AKAP9: variants seen among roughly 807,000 people sequenced by gnomAD.
The protein encoded by AKAP9 is A-kinase anchor protein 9.
In AKAP9, 311 loss-of-function variants were observed where a neutral mutation model predicts 488.5. The observed-to-expected ratio is 0.64, with a 90% CI of 0.58 to 0.70. The LOEUF is 0.70. Ranked by LOEUF, AKAP9 falls within the 30% of genes least tolerant of loss-of-function variation. The probability of loss-of-function intolerance (pLI) is 0.00; values close to 1 mark genes in which losing one functional copy is unlikely to be tolerated. For synonymous variants in AKAP9, 1,462 were observed against 1,483.5 expected (o/e 0.99, Z 0.33); for missense variants, 4,215 against 4,374.5 (o/e 0.96, Z 1.03).
rs1291863115 is a variant in AKAP9 at position 92,091,597 on chromosome 7, AC to A, written c.9359-1499del. ...CAAGACTCTGTCTCAAAAAAAAAAA[AC>A]AAAAAAAAAAAACAAAGCAGAAGCA... On this transcript the variant is annotated intron_variant, in intron 38 of 49. Coordinates refer to ENST00000356239, the MANE Select transcript of AKAP9 (RefSeq NM_005751.5). Among the ~76,000 whole-genome samples the A allele has an allele frequency of 2.7e-3, 347 of 129,236 alleles. 42 individuals are homozygous for A. The highest frequency in any genetic ancestry group is 4.1e-3 in the African/African-American group (148 of 36,392). 84.8% of individuals were successfully genotyped at this position (129,236 alleles called of 152,430 possible). A position where few individuals can be genotyped will look rare whatever the true frequency, so the allele number is the denominator to read the frequency against.
intron 21 of AKAP9, among the ~76,000 whole-genome samples, chr7:92,045,781 G>A (rs986960838): frequency 6.6e-6 from 1 of 150,400 alleles, no homozygotes. Flanking sequence ...AGCTGTCTTC[G>A]TAACTCTGTC....
At chr7:91,991,297 C>A (rs73403755) in intron 3 of AKAP9, among the ~76,000 whole-genome samples, 5,236 of 128,374 alleles carry the variant, frequency 0.041, 265 homozygotes, top group African/African-American at 0.15. Context: ...TGATATTAAT[C>A]TTTTAATTAA....
chr7:91,964,001 C>G (rs1451946677), intron 1 of AKAP9, among the ~76,000 whole-genome samples: 1 of 152,000 alleles, frequency 6.6e-6, no homozygotes, highest in Non-Finnish European at 1.5e-5. Flanking sequence ...TCTCTCCTCT[C>G]AGAATGACCA....
intron 14 of AKAP9, among the ~76,000 whole-genome samples, chr7:92,027,325 C>T (rs1157764177): frequency 2.0e-4 from 28 of 137,668 alleles, no homozygotes; most frequent in African/African-American, 6.8e-4. Flanking sequence ...GCCGCCACCC[C>T]GTCTAGGAAG....
chr7:92,092,872 C>G (rs1024800585), intron 38 of AKAP9: 9 of 465,450 alleles, frequency 1.9e-5, no homozygotes, highest in African/African-American at 3.9e-5. Flanking sequence ...GTCTTGAACT[C>G]CTGGCCTTAA....
intron 39 of AKAP9, among the ~76,000 whole-genome samples, chr7:92,094,068 C>T (rs1209463988): frequency 6.6e-6 from 1 of 151,828 alleles, no homozygotes; most frequent in Non-Finnish European, 1.5e-5. Flanking sequence ...CCATGCTGGT[C>T]TCGCACTCCT....
chr7:91,963,077 C>T (rs895024083), intron 1 of AKAP9, among the ~76,000 whole-genome samples: 1 of 152,040 alleles, frequency 6.6e-6, no homozygotes, highest in Non-Finnish European at 1.5e-5. Flanking sequence ...GTTTTGCATT[C>T]TCTCTGAGGG....
intron 33 of AKAP9, 56 bp downstream of exon 33, chr7:92,083,711 A>G (rs753846409): frequency 6.3e-7 from 1 of 1,576,040 alleles, no homozygotes; most frequent in Non-Finnish European, 8.6e-7. Context: ...TTAAAAAAAA[A>G]AAATCAGTTT....
At chr7:92,049,666 T>G (rs1167554023) in intron 21 of AKAP9, among the ~76,000 whole-genome samples, 2 of 151,996 alleles carry the variant, frequency 1.3e-5, no homozygotes, top group African/African-American at 4.8e-5. Flanking sequence ...CTTGATGTCT[T>G]TCTCATATTT....
chr7:91,960,278 C>A (rs1793569774), intron 1 of AKAP9, among the ~76,000 whole-genome samples: 1 of 152,138 alleles, frequency 6.6e-6, no homozygotes, highest in Non-Finnish European at 1.5e-5. Context: ...TATTTTCTCT[C>A]CAGTCTTGTC....
Position 92,022,985 on chromosome 7 carries a change from T to C in AKAP9, c.4124T>C (p.Val1375Ala), listed in dbSNP as rs1412357969. ...IHCLQKRLQA[V>A]SESTVPPSLP... is the part of the protein sequence containing the mutation. The stretch of plus-strand genomic sequence containing the variant: ...TGTTTACAGAAGAGGCTTCAAGCTG[T>C]TAGTGAGTCCACGGTTCCGCCAAGG... The change falls in exon 14 of 50, where the codon GTT becomes GCT. Residue 1375 changes from valine (V) to alanine (A), a missense_variant. Val to Ala is a moderately conservative substitution (Grantham distance 64). Transcript: ENST00000356239. 4 of 1,614,066 alleles carry C rather than the reference T, an allele frequency of 2.5e-6. No homozygotes were observed. In the South Asian group the frequency reaches 4.4e-5, roughly 18 times the overall value.
intron 28 of AKAP9, among the ~76,000 whole-genome samples, chr7:92,076,270 G>A (rs1205603623): frequency 6.6e-6 from 1 of 152,154 alleles, no homozygotes; most frequent in African/African-American, 2.4e-5. Context: ...ACCTATAGGA[G>A]CTCTCTAATT....
At chr7:92,004,809 T>C (rs1052822109) in intron 8 of AKAP9, among the ~76,000 whole-genome samples, 4 of 152,208 alleles carry the variant, frequency 2.6e-5, no homozygotes, top group Non-Finnish European at 5.9e-5. Context: ...TACCCTTTAT[T>C]TCTTTCTCCT....
chr7:92,010,817 C>G (rs1272584171), intron 8 of AKAP9, among the ~76,000 whole-genome samples: 1 of 152,050 alleles, frequency 6.6e-6, no homozygotes, highest in Non-Finnish European at 1.5e-5. Flanking sequence ...CCACTCCTGG[C>G]TAATTTATTA....
chr7:91,968,354 C>T (rs1231873615), intron 1 of AKAP9, among the ~76,000 whole-genome samples: 1 of 152,070 alleles, frequency 6.6e-6, no homozygotes, highest in African/African-American at 2.4e-5. Context: ...ATTTATTTAT[C>T]TTTTTCTTCT....
rs185982888 is a variant in AKAP9 at position 92,029,194 on chromosome 7, A to G, written c.4149-701A>G. On this transcript the variant is annotated intron_variant, in intron 14 of 49. Coordinates refer to ENST00000356239, the MANE Select transcript of AKAP9 (RefSeq NM_005751.5). ...GACCTAAGTTAAGCGTTTTAAGAAA[A>G]AAAAAATTTTTAATCATGTAAAAAC... 2.6e-5 allele frequency among the ~76,000 whole-genome samples: 4 copies of G among 151,194 alleles called. No homozygotes were observed. The East Asian group carries it at 7.7e-4, about 29-fold the overall frequency.
intron 29 of AKAP9, 85 bp downstream of exon 29, chr7:92,077,092 CTTTCT>C: frequency 3.4e-6 from 1 of 298,284 alleles, no homozygotes; most frequent in Non-Finnish European, 5.0e-6. Flanking sequence ...ATTATTATTT[CTTTCT>C]TTTTTTTTTT....
chr7:92,102,965 G>A, intron 46 of AKAP9, 139 bp downstream of exon 46: 1 of 813,002 alleles, frequency 1.2e-6, no homozygotes. Flanking sequence ...AAGCATGTCT[G>A]CTTTTTTTTT....
At chr7:92,107,219 A>C in intron 47 of AKAP9, 74 bp from the exon 48 acceptor site, 2 of 1,401,006 alleles carry the variant, frequency 1.4e-6, no homozygotes, top group Non-Finnish European at 2.0e-6. Context: ...TTGAGCAGTT[A>C]CCTATTTTGT....
Sources: gnomAD v4.1 joint callset for allele counts (sites outside exome capture counted in the v4.1 genomes callset) on GRCh38, gnomAD v4.1.1 for gene constraint, MANE v1.5 for transcripts, NCBI Gene and HGNC (gene_info 2026-07-23, HGNC 2026-07-21) for gene names.